The following PAAF1 variants were observed in gnomAD, a reference collection of about 807,000 sequenced individuals.
PAAF1 encodes the protein proteasomal ATPase-associated factor 1.
In PAAF1, 46 loss-of-function variants were observed where a neutral mutation model predicts 52.8. That is an observed-to-expected ratio of 0.87 (90% CI 0.69 to 1.11). PAAF1 has a LOEUF of 1.11. PAAF1 is among the 50% of genes most tolerant of loss of function. The probability of loss-of-function intolerance (pLI) is 0.00; values close to 1 mark genes in which losing one functional copy is unlikely to be tolerated. For missense variants in PAAF1, 424 were observed against 477.4 expected (o/e 0.89, Z 1.04); for synonymous variants, 178 against 172.8 (o/e 1.03, Z -0.24).
At position 73,890,727 on chromosome 11, in the gene PAAF1, T is replaced by C. The variant is rs1266030260; in HGVS notation, c.193-385T>C. Among the ~76,000 whole-genome samples, 4 of 152,336 alleles carry C rather than the reference T, an allele frequency of 2.6e-5. No homozygotes were observed. The East Asian group carries it at 7.7e-4, about 29-fold the overall frequency. On this transcript the variant is annotated intron_variant, in intron 3 of 11. Transcript: ENST00000310571. ...TGGTGTTGAAGAGTTTCCTTATATC[T>C]CTTTATGTCCTCTTCGCACTGATCC...
intron 6 of PAAF1, among the ~76,000 whole-genome samples, chr11:73,906,748 A>G (rs888721909): frequency 2.0e-5 from 3 of 152,214 alleles, no homozygotes; most frequent in Admixed American, 6.5e-5. Flanking sequence ...ACATGTGGTT[A>G]ATCACATTGG....
At chr11:73,897,205 C>G (rs1316659373) in intron 4 of PAAF1, among the ~76,000 whole-genome samples, 1 of 134,066 alleles carries the variant, frequency 7.5e-6, no homozygotes, top group Admixed American at 7.1e-5. Context: ...ACCTCCCTCC[C>G]GGACGGGGCG....
At chr11:73,913,092 G>C (rs144204919) in intron 7 of PAAF1, among the ~76,000 whole-genome samples, 54 of 152,260 alleles carry the variant, frequency 3.5e-4, no homozygotes, top group Non-Finnish European at 6.5e-4. Context: ...GGCCAGGCTG[G>C]TCTTAAACTC....
chr11:73,894,345 A>G (rs1422815473), intron 4 of PAAF1, among the ~76,000 whole-genome samples: 1 of 152,160 alleles, frequency 6.6e-6, no homozygotes, highest in Non-Finnish European at 1.5e-5. Context: ...TCTACAAAAA[A>G]ATAAACAAAA....
Position 73,930,893 on chromosome 11 carries a change from T to C in PAAF1, c.*3531T>C, listed in dbSNP as rs544402003. 2.6e-5 allele frequency: 4 copies of C among 151,992 alleles called. No individual in the cohort carries two copies. Among genetic ancestry groups the C allele is most frequent in the African/African-American group, 4.8e-5 (2 of 41,470 alleles). The allele number at this position is 151,992 out of a possible 1,614,324, so 9.4% of individuals were successfully genotyped here. A position where few individuals can be genotyped will look rare whatever the true frequency, so the allele number is the denominator to read the frequency against. The stretch of plus-strand genomic sequence containing the variant: ...AGGGTGCAAAGTCTCAGGAGGAATA[T>C]ATTGTGTTTTGAGATCTATTGCATA... On this transcript the variant is annotated 3_prime_UTR_variant, in exon 12 of 12. Transcript: ENST00000310571.
intron 6 of PAAF1, among the ~76,000 whole-genome samples, chr11:73,901,873 T>A (rs1949624821): frequency 2.4e-5 from 3 of 126,174 alleles, no homozygotes; most frequent in Admixed American, 1.6e-4. Flanking sequence ...GCCTTGCCTT[T>A]TTTTTTTTTT....
chr11:73,890,826 T>C (rs1349445429), intron 3 of PAAF1, among the ~76,000 whole-genome samples: 1 of 152,224 alleles, frequency 6.6e-6, no homozygotes, highest in Admixed American at 6.5e-5. Flanking sequence ...CTAATGCTTA[T>C]TGGTTGTATC....
At chr11:73,893,785 G>T (rs572041292) in intron 4 of PAAF1, among the ~76,000 whole-genome samples, 3 of 150,064 alleles carry the variant, frequency 2.0e-5, no homozygotes, top group Non-Finnish European at 3.0e-5. Flanking sequence ...AAACGTGGGC[G>T]CGGTGGCTCA....
intron 6 of PAAF1, among the ~76,000 whole-genome samples, chr11:73,901,269 A>G (rs1399246485): frequency 6.6e-6 from 1 of 152,226 alleles, no homozygotes; most frequent in Admixed American, 6.5e-5. Flanking sequence ...CCATATAACC[A>G]GTTAATATCA....
intron 4 of PAAF1, among the ~76,000 whole-genome samples, chr11:73,895,310 A>G (rs1591065329): frequency 6.6e-6 from 1 of 152,166 alleles, no homozygotes; most frequent in Non-Finnish European, 1.5e-5. Flanking sequence ...CAGGGGAAAT[A>G]AAAGTTTTCT....
intron 10 of PAAF1, chr11:73,922,046 G>T: frequency 1.2e-6 from 1 of 823,770 alleles, no homozygotes. Context: ...CATTGGCCTT[G>T]AACTAATAGA....
intron 1 of PAAF1, 167 bp downstream of exon 1, chr11:73,877,235 A>G (rs545954519): frequency 6.3e-5 from 40 of 636,552 alleles, no homozygotes; most frequent in Admixed American, 1.3e-4. Context: ...CCGTATGGTC[A>G]TTCTCTGAAA....
chr11:73,918,882 A>G, intron 9 of PAAF1, 68 bp from the exon 10 acceptor site: 1 of 1,146,650 alleles, frequency 8.7e-7, no homozygotes, highest in South Asian at 1.3e-5. Flanking sequence ...TTAGTACTAT[A>G]TGTTGAATAT....
intron 2 of PAAF1, among the ~76,000 whole-genome samples, chr11:73,885,259 C>T (rs889272611): frequency 6.6e-6 from 1 of 151,944 alleles, no homozygotes; most frequent in Non-Finnish European, 1.5e-5. Context: ...CTGCTTCAGC[C>T]TCCTGAGTAT....
At chr11:73,914,287 T>C (rs537453025) in intron 7 of PAAF1, 126 bp from the exon 8 acceptor site, 207 of 734,832 alleles carry the variant, frequency 2.8e-4, no homozygotes, top group Non-Finnish European at 3.8e-4. Flanking sequence ...CAGAACATAA[T>C]AAATGTTTTC....
At chr11:73,884,561 A>G (rs1949008249) in intron 2 of PAAF1, among the ~76,000 whole-genome samples, 1 of 152,214 alleles carries the variant, frequency 6.6e-6, no homozygotes, top group Non-Finnish European at 1.5e-5. Flanking sequence ...ATTGGTTGAA[A>G]TGATGCACCA....
intron 2 of PAAF1, among the ~76,000 whole-genome samples, chr11:73,883,518 T>C (rs1208908763): frequency 2.6e-5 from 4 of 152,036 alleles, no homozygotes; most frequent in Admixed American, 2.6e-4. Context: ...ATAATGTTTC[T>C]TTCTTTCTTT....
At chr11:73,882,022 G>A (rs1948922104) in intron 2 of PAAF1, among the ~76,000 whole-genome samples, 1 of 151,842 alleles carries the variant, frequency 6.6e-6, no homozygotes, top group Admixed American at 6.6e-5. Flanking sequence ...TTACAAGCAT[G>A]TGCCACCATG....
intron 6 of PAAF1, among the ~76,000 whole-genome samples, chr11:73,901,032 A>G (rs1174980062): frequency 2.0e-5 from 3 of 147,554 alleles, no homozygotes; most frequent in African/African-American, 7.3e-5. Context: ...TCTACAATTG[A>G]TAAAGGAAAA....
Sources: allele counts gnomAD v4.1 joint callset (sites outside exome capture counted in the v4.1 genomes callset), GRCh38; gene constraint gnomAD v4.1.1; transcripts MANE v1.5; gene names NCBI Gene and HGNC (gene_info 2026-07-23, HGNC 2026-07-21).